The following NCOA3 variants were observed in gnomAD, a reference collection of about 807,000 sequenced individuals.
NCOA3 encodes CBP-interacting protein.
In NCOA3, 51 loss-of-function variants were observed where a neutral mutation model predicts 158.8. The observed-to-expected ratio is 0.32, with a 90% CI of 0.26 to 0.41. The LOEUF (loss-of-function observed/expected upper bound fraction) is 0.41. Among genes scored for constraint, NCOA3 ranks in the 10% least tolerant of loss-of-function variants. The pLI, the probability that NCOA3 is intolerant of heterozygous loss-of-function variation, is 1.00. For missense variants in NCOA3, 1,510 were observed against 1,746.6 expected, an observed-to-expected ratio of 0.86 and a Z score of 2.41; for synonymous variants, 537 against 592.4, an observed-to-expected ratio of 0.91 and a Z score of 1.36.
chr20:47,561,255 A>G (rs1014213289), intron 1 of NCOA3, among the ~76,000 whole-genome samples: 1 of 145,684 alleles, frequency 6.9e-6, no homozygotes, highest in African/African-American at 2.6e-5. Flanking sequence ...GATTATGGGC[A>G]TGAGCTACTG....
chr20:47,542,009 G>GTTTTTTTGT lies in NCOA3; in HGVS notation c.-99+39997_-99+39998insGTTTTTTTT, dbSNP rs71183262. Among the ~76,000 whole-genome samples the GTTTTTTTGT allele has an allele frequency of 3.6e-4, 20 of 56,316 alleles. 1 individual carries two copies. Among genetic ancestry groups the GTTTTTTTGT allele is most frequent in the Admixed American group, 6.6e-4 (4 of 6,094 alleles). The allele number at this position is 56,316 out of a possible 152,430, so 36.9% of individuals were successfully genotyped here. On this transcript the variant is annotated intron_variant, in intron 1 of 22. Coordinates refer to ENST00000371998, the MANE Select transcript of NCOA3 (RefSeq NM_181659.3). The stretch of plus-strand genomic sequence containing the variant: ...ATCAAATTATTTTTTGCCCTGTAGA[G>GTTTTTTTGT]TTTTTTTTTTTTTTTTTTTTTGTTG...
intron 2 of NCOA3, among the ~76,000 whole-genome samples, chr20:47,593,333 G>GTTTT (rs1367829605): frequency 3.9e-5 from 4 of 102,956 alleles, no homozygotes; most frequent in African/African-American, 1.2e-4. Flanking sequence ...TGAGTTGATG[G>GTTTT]ATTTTTTTTT....
intron 1 of NCOA3, among the ~76,000 whole-genome samples, chr20:47,521,281 G>A (rs918504931): frequency 1.3e-5 from 2 of 152,184 alleles, no homozygotes; most frequent in Admixed American, 6.5e-5. Context: ...GTAATCACAG[G>A]CAAGCCCCCA....
intron 1 of NCOA3, among the ~76,000 whole-genome samples, chr20:47,526,534 G>A (rs562821794): frequency 1.6e-4 from 25 of 152,366 alleles, no homozygotes; most frequent in Admixed American, 7.2e-4. Context: ...CGAGGCTGGC[G>A]GATCACTTGT....
chr20:47,628,783 T>A (rs1041752160), intron 8 of NCOA3: 1 of 152,168 alleles, frequency 6.6e-6, no homozygotes, highest in African/African-American at 2.4e-5. Flanking sequence ...AATAAAAAAT[T>A]AAAGACATCG....
intron 2 of NCOA3, among the ~76,000 whole-genome samples, chr20:47,621,676 C>T (rs867500106): frequency 4.4e-5 from 2 of 45,122 alleles, no homozygotes; most frequent in African/African-American, 1.1e-4. Context: ...TTTTTTGAGA[C>T]GGAGTCTAGC....
intron 2 of NCOA3, among the ~76,000 whole-genome samples, chr20:47,602,103 A>G (rs554486424): frequency 1.6e-4 from 24 of 152,358 alleles, no homozygotes; most frequent in Admixed American, 3.3e-4. Context: ...AAGATCAGCA[A>G]TGCAGGCTAC....
Position 47,637,622 on chromosome 20 carries a change from G to T in NCOA3, c.2377-26G>T, listed in dbSNP as rs778501412. 4 of 1,581,262 alleles carry T rather than the reference G, an allele frequency of 2.5e-6. No homozygotes were observed. The East Asian group carries it at 6.8e-5, about 27-fold the overall frequency. On this transcript the variant is annotated intron_variant, in intron 12 of 22. Coordinates refer to ENST00000371998, the MANE Select transcript of NCOA3 (RefSeq NM_181659.3). ...CCTGTGTGTCTGGTAATGTATACAG[G>T]TTAATTTTTAAAACTTTATTTTCAG...
intron 1 of NCOA3, among the ~76,000 whole-genome samples, chr20:47,536,805 CTTTTT>C (rs1227796813): frequency 7.7e-6 from 1 of 129,728 alleles, no homozygotes; most frequent in Non-Finnish European, 1.7e-5. Context: ...CTGTTTTTTT[CTTTTT>C]TTTTTTTTTT....
rs1004977167 is a variant in NCOA3 at position 47,612,510 on chromosome 20, T to G, written c.-19-9719T>G. 2.0e-4 allele frequency among the ~76,000 whole-genome samples: 31 copies of G among 151,968 alleles called. 1 individual carries two copies. Among genetic ancestry groups the G allele is most frequent in the East Asian group, 5.8e-4 (3 of 5,196 alleles). ...AGATGGAAAAGCGATGTGGGAAAGA[T>G]TAAAAAAAAATTAGTGACTTAAGGT... is the stretch of plus-strand genomic sequence containing the variant. On this transcript the variant is annotated intron_variant, in intron 2 of 22. Transcript: ENST00000371998.
intron 13 of NCOA3, 48 bp downstream of exon 13, chr20:47,637,831 T>G: frequency 6.5e-7 from 1 of 1,534,160 alleles, no homozygotes; most frequent in Non-Finnish European, 8.8e-7. Context: ...TTGAAACTTT[T>G]CTGCATACCT....
chr20:47,584,098 C>T (rs2085495743), intron 2 of NCOA3, among the ~76,000 whole-genome samples: 1 of 152,036 alleles, frequency 6.6e-6, no homozygotes, highest in African/African-American at 2.4e-5. Context: ...AGTTGGAGAC[C>T]AGCCTAAACA....
At chr20:47,545,090 G>A (rs567959855) in intron 1 of NCOA3, among the ~76,000 whole-genome samples, 2 of 145,260 alleles carry the variant, frequency 1.4e-5, no homozygotes, top group East Asian at 4.1e-4. Context: ...GAGCATAGCT[G>A]TTACAGTATG....
At chr20:47,582,722 C>T (rs1346323175) in intron 1 of NCOA3, among the ~76,000 whole-genome samples, 4 of 152,122 alleles carry the variant, frequency 2.6e-5, no homozygotes, top group African/African-American at 7.2e-5. Context: ...AAGACATCTA[C>T]TCAAATTCCT....
At chr20:47,566,459 T>C (rs1334223141) in intron 1 of NCOA3, among the ~76,000 whole-genome samples, 1 of 152,134 alleles carries the variant, frequency 6.6e-6, no homozygotes, top group Admixed American at 6.6e-5. Flanking sequence ...GGAGAGCCCT[T>C]CCCAGACCTG....
At chr20:47,572,784 G>A (rs992134734) in intron 1 of NCOA3, among the ~76,000 whole-genome samples, 9 of 152,046 alleles carry the variant, frequency 5.9e-5, no homozygotes, top group African/African-American at 2.2e-4. Flanking sequence ...TCATCTGCCC[G>A]GCTCAGCCTC....
chr20:47,583,098 G>A, intron 1 of NCOA3, 85 bp from the exon 2 acceptor site: 1 of 397,630 alleles, frequency 2.5e-6, no homozygotes, highest in Non-Finnish European at 4.4e-6. Flanking sequence ...CCGGCTGGAA[G>A]ACTTAATTTG....
In NCOA3 at chr20:47,639,042, T is replaced by C. The variant is rs1392017528; in HGVS notation, c.2547T>C (p.Arg849=). 6.2e-7 allele frequency: 1 copy of C among 1,613,776 alleles called. No individual in the cohort carries two copies. Among genetic ancestry groups the C allele is most frequent in the East Asian group, 2.2e-5 (1 of 44,880 alleles). Residue 849 remains arginine, a synonymous_variant, in exon 14 of 23, where the codon CGT becomes CGC. Coordinates refer to ENST00000371998, the MANE Select transcript of NCOA3 (RefSeq NM_181659.3). ...LKSSQSVQSI[R]PPYNRAVSLD... Reference sequence around the variant, plus strand: ...GTTCACAGTCTGTGCAGTCTATTCGTCCTCCATATAACCGAGCAGTGTCTC... The same window carrying C: ...GTTCACAGTCTGTGCAGTCTATTCGCCCTCCATATAACCGAGCAGTGTCTC...
In NCOA3 at chr20:47,561,668, A is replaced by G. The variant is rs555829978; in HGVS notation, c.-98-21515A>G. ...TTAAGGTTATAGGAAAATGGAGAGG[A>G]GGGTACAGAGATTTCCCATATGTGC... On this transcript the variant is annotated intron_variant, in intron 1 of 22. Coordinates refer to ENST00000371998, the MANE Select transcript of NCOA3 (RefSeq NM_181659.3). Among the ~76,000 whole-genome samples the G allele has an allele frequency of 5.7e-4, 87 of 152,136 alleles. 1 individual carries two copies. Among genetic ancestry groups the G allele is most frequent in the Middle Eastern group, 3.4e-3 (1 of 292 alleles).
Sources: allele counts gnomAD v4.1 joint callset (sites outside exome capture counted in the v4.1 genomes callset), GRCh38; gene constraint gnomAD v4.1.1; transcripts MANE v1.5; gene names NCBI Gene and HGNC (gene_info 2026-07-23, HGNC 2026-07-21).